The following MAFF variants were observed in gnomAD, a reference collection of about 807,000 sequenced individuals.
MAFF encodes the protein MAF bZIP transcription factor F, also known as transcription factor MafF.
Under a neutral mutation model 2.7 loss-of-function variants are expected in MAFF, and 4 were observed. The ratio of observed to expected loss-of-function variants is 1.48; its 90% CI spans 0.73 to 3.39. The LOEUF (loss-of-function observed/expected upper bound fraction) is 3.39, where lower values mean the gene tolerates loss of function less well. Ranked by LOEUF, MAFF falls within the 30% of genes most tolerant of loss-of-function variation. The pLI is 0.01. For synonymous variants in MAFF, 113 were observed against 119.4 expected, an observed-to-expected ratio of 0.95 and a Z score of 0.35; for missense variants, 190 against 246.6, an observed-to-expected ratio of 0.77 and a Z score of 1.54.
At position 38,202,297 on chromosome 22, in the gene MAFF, G is replaced by T. The variant is rs1250060358; in HGVS notation, c.-32+85G>T. On this transcript the variant is annotated intron_variant, in intron 1 of 2. Transcript: ENST00000338483. The surrounding 1 kb of genome is among the most constrained non-coding windows in gnomAD (Gnocchi z 7.4). ...GTCCCGGGATGCGCCTGGGGTGGGC[G>T]CCCGGGCCCGATCCGTCGGGGCTCC... The T allele has an allele frequency of 1.3e-5, 2 of 152,162 alleles. No individual in the cohort carries two copies. The highest frequency in any genetic ancestry group is 1.3e-4 in the Admixed American group (2 of 15,282). 9.4% of individuals were successfully genotyped at this position (152,162 alleles called of 1,614,324 possible).
chr22:38,209,808 C>A, intron 1 of MAFF, among the ~76,000 whole-genome samples: 1 of 86,406 alleles, frequency 1.2e-5, no homozygotes, highest in African/African-American at 5.1e-5. Context: ...AGCGAGACTC[C>A]ATCTCAAAAA....
At chr22:38,204,239 GA>G (rs2091035998) in intron 1 of MAFF, among the ~76,000 whole-genome samples, 2 of 152,144 alleles carry the variant, frequency 1.3e-5, no homozygotes, top group Admixed American at 1.3e-4. Flanking sequence ...ACACAAACTT[GA>G]AAAAAGATCC....
At chr22:38,206,564 C>A (rs2091053573) in intron 1 of MAFF, among the ~76,000 whole-genome samples, 1 of 151,988 alleles carries the variant, frequency 6.6e-6, no homozygotes, top group Non-Finnish European at 1.5e-5. Context: ...GTTGGCCAGG[C>A]CGTTCTTGAA....
Sources: allele counts gnomAD v4.1 joint callset (sites outside exome capture counted in the v4.1 genomes callset), GRCh38; gene constraint gnomAD v4.1.1; non-coding constraint Gnocchi (gnomAD v3.1); transcripts MANE v1.5; gene names NCBI Gene and HGNC (gene_info 2026-07-23, HGNC 2026-07-21).